The following UGGT2 variants were observed in gnomAD, a reference collection of about 807,000 sequenced individuals.
UGGT2 encodes UDP-glucose:glycoprotein glucosyltransferase 2.
A neutral mutation model predicts 192.1 loss-of-function variants in UGGT2; 180 were observed. The ratio of observed to expected loss-of-function variants is 0.94; its 90% CI spans 0.83 to 1.06. The LOEUF is 1.06. Among genes scored for constraint, UGGT2 ranks in the 50% least tolerant of loss-of-function variants. The pLI, the probability that UGGT2 is intolerant of heterozygous loss-of-function variation, is 0.00. For synonymous variants in UGGT2, 580 were observed against 591.0 expected (o/e 0.98, Z 0.27); for missense variants, 1,849 against 1,795.7 (o/e 1.03, Z -0.54).
intron 10 of UGGT2, among the ~76,000 whole-genome samples, chr13:95,980,218 T>C (rs768989618): frequency 1.1e-4 from 16 of 151,912 alleles, no homozygotes; most frequent in Admixed American, 3.9e-4. Context: ...CAATATGCAA[T>C]TGCAAAAATA....
intron 31 of UGGT2, among the ~76,000 whole-genome samples, chr13:95,862,379 A>G (rs1890241611): frequency 6.6e-6 from 1 of 152,182 alleles, no homozygotes; most frequent in Non-Finnish European, 1.5e-5. Flanking sequence ...ATTGGGTTCA[A>G]ATCTCTAAAA....
At chr13:96,002,913 C>T (rs1227707979) in intron 5 of UGGT2, among the ~76,000 whole-genome samples, 1 of 152,192 alleles carries the variant, frequency 6.6e-6, no homozygotes, top group Non-Finnish European at 1.5e-5. Flanking sequence ...AAGCTCTGTT[C>T]CCATAGCTCC....
At chr13:95,819,393 C>A (rs1350421309) in intron 38 of UGGT2, among the ~76,000 whole-genome samples, 1 of 152,036 alleles carries the variant, frequency 6.6e-6, no homozygotes, top group Non-Finnish European at 1.5e-5. Context: ...ATCCTTACAT[C>A]TATCTTTGAT....
At chr13:96,001,986 A>G (rs2051820877) in intron 5 of UGGT2, among the ~76,000 whole-genome samples, 1 of 152,234 alleles carries the variant, frequency 6.6e-6, no homozygotes, top group South Asian at 2.1e-4. Context: ...TGACATGAAA[A>G]ATATGTGTTA....
chr13:95,809,634 C>T (rs192468038), intron 38 of UGGT2: 3 of 221,052 alleles, frequency 1.4e-5, no homozygotes, highest in African/African-American at 2.4e-5. Flanking sequence ...AGGGTGTGTG[C>T]CAAGTGCCTG....
intron 1 of UGGT2, among the ~76,000 whole-genome samples, chr13:96,050,177 A>C (rs1009931668): frequency 3.3e-5 from 5 of 152,206 alleles, no homozygotes; most frequent in African/African-American, 1.2e-4. Flanking sequence ...ATAATACCAC[A>C]CATCTACAAC....
intron 12 of UGGT2, among the ~76,000 whole-genome samples, chr13:95,963,040 T>C (rs888989697): frequency 3.3e-5 from 5 of 152,134 alleles, no homozygotes; most frequent in African/African-American, 7.2e-5. Context: ...CCTGCCCCCA[T>C]GATTCAATTA....
At chr13:95,921,383 G>T (rs904221359) in intron 20 of UGGT2, among the ~76,000 whole-genome samples, 19 of 145,916 alleles carry the variant, frequency 1.3e-4, no homozygotes, top group Non-Finnish European at 2.4e-4. Flanking sequence ...CAGTATTTTT[G>T]TTGTTGTTGT....
chr13:95,825,559 G>A (rs549398293), intron 38 of UGGT2, among the ~76,000 whole-genome samples: 9 of 152,142 alleles, frequency 5.9e-5, no homozygotes, highest in Non-Finnish European at 1.0e-4. Context: ...GCCTGAACCT[G>A]GAGGATACCT....
chr13:95,828,738 G>A (rs1246171301), intron 38 of UGGT2, among the ~76,000 whole-genome samples: 3 of 152,070 alleles, frequency 2.0e-5, no homozygotes, highest in African/African-American at 7.2e-5. Flanking sequence ...TCTACCAGAG[G>A]TGCAAAGAGA....
intron 17 of UGGT2, among the ~76,000 whole-genome samples, chr13:95,931,692 G>A (rs998486804): frequency 6.6e-6 from 1 of 152,080 alleles, no homozygotes; most frequent in Non-Finnish European, 1.5e-5. Context: ...CGGGTGCTAC[G>A]CCCCTCACTG....
At chr13:95,958,505 T>G (rs1253576583) in intron 12 of UGGT2, among the ~76,000 whole-genome samples, 2 of 151,990 alleles carry the variant, frequency 1.3e-5, no homozygotes, top group African/African-American at 4.8e-5. Context: ...AAACTAACTA[T>G]AATAACTGAG....
intron 2 of UGGT2, among the ~76,000 whole-genome samples, chr13:96,024,867 T>A (rs115496921): frequency 5.3e-4 from 81 of 152,316 alleles, no homozygotes; most frequent in African/African-American, 1.8e-3. Flanking sequence ...ATGTTCTGAC[T>A]GGAAGCAGAC....
chr13:95,978,192 A>C (rs1057453900), intron 10 of UGGT2, among the ~76,000 whole-genome samples: 3 of 152,236 alleles, frequency 2.0e-5, no homozygotes, highest in East Asian at 3.9e-4. Flanking sequence ...AGTAAAATTA[A>C]AATTAAAAAA....
chr13:95,805,688 T>C (rs1293895515), intron 38 of UGGT2, among the ~76,000 whole-genome samples: 1 of 152,068 alleles, frequency 6.6e-6, no homozygotes, highest in African/African-American at 2.4e-5. Context: ...CACAAAAAAA[T>C]AAATACTATA....
intron 38 of UGGT2, among the ~76,000 whole-genome samples, chr13:95,825,854 C>T (rs1367560835): frequency 6.6e-6 from 1 of 152,090 alleles, no homozygotes; most frequent in Non-Finnish European, 1.5e-5. Flanking sequence ...ATTCTTTTGT[C>T]CCACAGGTTG....
intron 2 of UGGT2, among the ~76,000 whole-genome samples, chr13:96,026,724 T>G (rs2052679235): frequency 6.8e-6 from 1 of 147,206 alleles, no homozygotes; most frequent in Non-Finnish European, 1.5e-5. Context: ...GACTGCGGAC[T>G]GCAGTGGCGC....
chr13:95,868,785 C>T (rs1890923565), intron 29 of UGGT2, among the ~76,000 whole-genome samples: 1 of 152,172 alleles, frequency 6.6e-6, no homozygotes, highest in Non-Finnish European at 1.5e-5. Context: ...CAGAGCACTA[C>T]AGCTAGACCT....
At chr13:96,012,267 C>T (rs1196365175) in intron 5 of UGGT2, among the ~76,000 whole-genome samples, 6 of 151,766 alleles carry the variant, frequency 4.0e-5, no homozygotes, top group African/African-American at 1.2e-4. Context: ...ATCTCTACCC[C>T]GTAGTATATT....
Sources: gnomAD v4.1 joint callset for allele counts (sites outside exome capture counted in the v4.1 genomes callset) on GRCh38, gnomAD v4.1.1 for gene constraint, MANE v1.5 for transcripts, NCBI Gene and HGNC (gene_info 2026-07-23, HGNC 2026-07-21) for gene names.